Variants in CASD1 observed in about 807,000 individuals in gnomAD.
The protein encoded by CASD1 is N-acetylneuraminate (7)9-O-acetyltransferase.
A neutral mutation model predicts 100.0 loss-of-function variants in CASD1; 41 were observed. That is an observed-to-expected ratio of 0.41 (90% CI 0.32 to 0.53). The LOEUF (loss-of-function observed/expected upper bound fraction) is 0.53, where lower values mean the gene tolerates loss of function less well. Among genes scored for constraint, CASD1 ranks in the 20% least tolerant of loss-of-function variants. The pLI is 0.25. For synonymous variants in CASD1, 321 were observed against 315.6 expected, an observed-to-expected ratio of 1.02 and a Z score of -0.18; for missense variants, 774 against 948.7, an observed-to-expected ratio of 0.82 and a Z score of 2.42.
rs1191416989 is a variant in CASD1 at position 94,535,750 on chromosome 7, G to T, written c.843+227G>T. On this transcript the variant is annotated intron_variant, in intron 8 of 17. Transcript: ENST00000297273. Reference sequence around the variant, plus strand: ...TAAGAGAGAAAGAAGTTAGGGAAGAGGGGAAATTAAACTTCATTTACTGAG... The same window carrying T: ...TAAGAGAGAAAGAAGTTAGGGAAGATGGGAAATTAAACTTCATTTACTGAG... Among the ~76,000 whole-genome samples, 4 of 152,062 alleles carry T rather than the reference G, an allele frequency of 2.6e-5. No individual in the cohort carries two copies. In the East Asian group the frequency reaches 7.7e-4, roughly 29 times the overall value.
chr7:94,526,379 G>A (rs558243814), intron 3 of CASD1, among the ~76,000 whole-genome samples: 1 of 152,328 alleles, frequency 6.6e-6, no homozygotes, highest in East Asian at 1.9e-4. Context: ...AATTCAGCCT[G>A]GAAGTGGCGT....
chr7:94,553,628 T>A (rs1231853514), intron 16 of CASD1, among the ~76,000 whole-genome samples: 1 of 152,112 alleles, frequency 6.6e-6, no homozygotes, highest in Non-Finnish European at 1.5e-5. Context: ...GGAGATAACT[T>A]TTTTTCTTTA....
intron 1 of CASD1, among the ~76,000 whole-genome samples, chr7:94,511,298 A>G (rs544983063): frequency 6.6e-6 from 1 of 152,328 alleles, no homozygotes; most frequent in East Asian, 1.9e-4. Context: ...ATTTACACCT[A>G]CTTTGGCAAA....
chr7:94,520,643 A>G (rs1794212644), intron 3 of CASD1, among the ~76,000 whole-genome samples: 1 of 152,156 alleles, frequency 6.6e-6, no homozygotes, highest in Non-Finnish European at 1.5e-5. Context: ...TGTCAAACCA[A>G]CTGGAGCCTA....
the CASD1 span, chr7:94,618,931 T>C: frequency 6.2e-7 from 1 of 1,613,680 alleles, no homozygotes; most frequent in South Asian, 1.1e-5. Flanking sequence ...TAATGAAGAA[T>C]TCTGCTTGAT....
At chr7:94,580,238 C>G in the CASD1 span, among the ~76,000 whole-genome samples, 3 of 152,068 alleles carry the variant, frequency 2.0e-5, no homozygotes, top group Non-Finnish European at 4.4e-5. Flanking sequence ...TTCTTAACAT[C>G]CTTCAGACTT....
At chr7:94,537,160 A>AT (rs1233898853) in intron 8 of CASD1, among the ~76,000 whole-genome samples, 1 of 151,914 alleles carries the variant, frequency 6.6e-6, no homozygotes, top group Non-Finnish European at 1.5e-5. Context: ...AAAAAAAAAA[A>AT]GGAATAGAAT....
Position 94,510,174 on chromosome 7 carries a change from G to C in CASD1, c.90G>C (p.Val30=). Residue 30 remains valine, a synonymous_variant, in exon 1 of 18, where the codon GTG becomes GTC. Transcript: ENST00000297273. Reference sequence around the variant, plus strand: ...CCAAGGTGCTGGCGCTGGTGGCCGTGCTGCTGCTCGCAGCGTGCCACCTCG... The same window carrying C: ...CCAAGGTGCTGGCGCTGGTGGCCGTCCTGCTGCTCGCAGCGTGCCACCTCG... The part of the protein sequence containing the change: ...RSAKVLALVA[V]LLLAACHLAS... The C allele has an allele frequency of 2.6e-6, 4 of 1,520,726 alleles. No homozygotes were observed. The highest frequency in any genetic ancestry group is 3.5e-6 in the Non-Finnish European group (4 of 1,133,188). 94.2% of individuals were successfully genotyped at this position (1,520,726 alleles called of 1,614,324 possible).
chr7:94,513,059 G>A (rs927761102), intron 1 of CASD1, among the ~76,000 whole-genome samples: 2 of 152,124 alleles, frequency 1.3e-5, no homozygotes, highest in African/African-American at 2.4e-5. Context: ...AATTCAGGCC[G>A]GGCGCAGTGG....
chr7:94,536,634 C>T (rs1795135520), intron 8 of CASD1, among the ~76,000 whole-genome samples: 2 of 152,076 alleles, frequency 1.3e-5, no homozygotes, highest in Non-Finnish European at 2.9e-5. Context: ...TGCAAGAGTG[C>T]CAGGCATAAA....
In CASD1 at chr7:94,537,554, T is replaced by C. The variant is rs144685388; in HGVS notation, c.926T>C (p.Val309Ala). 56 of 1,613,836 alleles carry C rather than the reference T, an allele frequency of 3.5e-5. No individual in the cohort carries two copies. In the African/African-American group the frequency reaches 6.1e-4, roughly 18 times the overall value. The change falls in exon 9 of 18, where the codon GTT becomes GCT. Residue 309 changes from valine to alanine, a missense_variant. Physicochemically the swap from Val to Ala is moderately conservative, Grantham distance 64. Transcript: ENST00000297273. ...TCCTGTTGTCAACCTCGGCCTCCTGTTACTCTCATACAGAAGCTAGCTGCT... is the reference window on the plus strand; with the variant it reads ...TCCTGTTGTCAACCTCGGCCTCCTGCTACTCTCATACAGAAGCTAGCTGCT... ...DGSCCQPRPP[V>A]TLIQKLAACF...
chr7:94,511,473 T>C (rs1038551086), intron 1 of CASD1, among the ~76,000 whole-genome samples: 1 of 152,220 alleles, frequency 6.6e-6, no homozygotes, highest in African/African-American at 2.4e-5. Flanking sequence ...AAATTGATTT[T>C]AAAAATTAGA....
At chr7:94,600,313 C>T in the CASD1 span, 1,049 of 260,540 alleles carry the variant, frequency 4.0e-3, 10 homozygotes, top group African/African-American at 0.023. Flanking sequence ...GTGCAATTAC[C>T]ATGTCAGTAG....
chr7:94,573,776 G>A, the CASD1 span, among the ~76,000 whole-genome samples: 7 of 152,286 alleles, frequency 4.6e-5, no homozygotes, highest in South Asian at 1.5e-3. Context: ...TTGAATAGGA[G>A]TGATGAGAGA....
chr7:94,601,297 A>C, the CASD1 span, among the ~76,000 whole-genome samples: 1 of 151,880 alleles, frequency 6.6e-6, no homozygotes, highest in African/African-American at 2.4e-5. Flanking sequence ...GTTTAGCAAA[A>C]GAAAAAAGGA....
At chr7:94,594,650 A>G in the CASD1 span, 2 of 152,130 alleles carry the variant, frequency 1.3e-5, no homozygotes, top group Non-Finnish European at 2.9e-5. Flanking sequence ...CATTGTGACA[A>G]ATGTACCATG....
chr7:94,593,947 T>C, the CASD1 span, among the ~76,000 whole-genome samples: 7 of 152,040 alleles, frequency 4.6e-5, no homozygotes, highest in African/African-American at 1.7e-4. Context: ...AGCTCTACCA[T>C]AACATACACT....
At chr7:94,560,017 T>G (rs1715099176), downstream of CASD1, among the ~76,000 whole-genome samples, 1 of 152,194 alleles carries the variant, frequency 6.6e-6, no homozygotes, top group Non-Finnish European at 1.5e-5. Flanking sequence ...GTTGGTTTGT[T>G]TTGTTGTTTT....
chr7:94,618,603 A>T, the CASD1 span: 1 of 633,036 alleles, frequency 1.6e-6, no homozygotes, highest in Non-Finnish European at 2.7e-6. Context: ...CATCTTTGCC[A>T]ATATAGAAAA....
Sources: gnomAD v4.1 joint callset for allele counts (sites outside exome capture counted in the v4.1 genomes callset) on GRCh38, gnomAD v4.1.1 for gene constraint, MANE v1.5 for transcripts, NCBI Gene and HGNC (gene_info 2026-07-23, HGNC 2026-07-21) for gene names.